Variants in FLRT2 observed in about 807,000 individuals in gnomAD.
FLRT2 encodes leucine-rich repeat transmembrane protein FLRT2.
Under a neutral mutation model 40.0 loss-of-function variants are expected in FLRT2, and 15 were observed. The ratio of observed to expected loss-of-function variants is 0.38; its 90% CI spans 0.25 to 0.58. The LOEUF (loss-of-function observed/expected upper bound fraction) is 0.58. FLRT2 is among the 20% of genes least tolerant of loss of function. The pLI, the probability that FLRT2 is intolerant of heterozygous loss-of-function variation, is 0.71. For missense variants in FLRT2, 726 were observed against 840.0 expected (o/e 0.86, Z 1.68); for synonymous variants, 380 against 336.8 (o/e 1.13, Z -1.41).
intron 1 of FLRT2, among the ~76,000 whole-genome samples, chr14:85,594,865 C>T (rs562441052): frequency 6.6e-6 from 1 of 151,814 alleles, no homozygotes; most frequent in East Asian, 1.9e-4. Context: ...ATAACACAGT[C>T]GATTAACACA....
intron 1 of FLRT2, chr14:85,551,809 A>G (rs550844883): frequency 6.6e-6 from 1 of 152,300 alleles, no homozygotes; most frequent in South Asian, 2.1e-4. Flanking sequence ...AATCTTTTCC[A>G]TGTTTGTAAC....
rs869148428 is a variant in FLRT2, at chr14:85,639,851, C to CTTTTTTTT, written c.*16362_*16369dup. The CTTTTTTTT allele has an allele frequency of 2.9e-4, 35 of 119,244 alleles. No individual in the cohort carries two copies. The highest frequency in any genetic ancestry group is 9.5e-4 in the African/African-American group (28 of 29,552). The allele number at this position is 119,244 out of a possible 1,614,324, so 7.4% of individuals were successfully genotyped here. On this transcript the variant is annotated 3_prime_UTR_variant, in exon 2 of 2. Coordinates refer to ENST00000330753, the MANE Select transcript of FLRT2 (RefSeq NM_013231.6). Reference sequence around the variant, plus strand: ...GAAATTCTTTATTTTTTTTTTTTTCCTTTTTTTTTTTTTTTGAGACAGTGT... The same window carrying CTTTTTTTT: ...GAAATTCTTTATTTTTTTTTTTTTCCTTTTTTTTTTTTTTTTTTTTTTTGAGACAGTGT...
intron 1 of FLRT2, among the ~76,000 whole-genome samples, chr14:85,557,251 T>A (rs1890025816): frequency 8.0e-6 from 1 of 125,580 alleles, no homozygotes; most frequent in African/African-American, 3.1e-5. Flanking sequence ...TAATTTCCAG[T>A]GTTTTTTTTT....
intron 1 of FLRT2, among the ~76,000 whole-genome samples, chr14:85,543,004 T>G (rs1278595641): frequency 6.6e-6 from 1 of 152,198 alleles, no homozygotes; most frequent in African/African-American, 2.4e-5. Flanking sequence ...AAGGAGCTGG[T>G]TAGAAATACA....
Position 85,622,417 on chromosome 14 carries a change from C to G in FLRT2, c.903C>G (p.Asn301Lys), listed in dbSNP as rs1160333126. Reference protein sequence around the residue: ...LTQGVFDNLSNLKQLTARNNP... With the variant: ...LTQGVFDNLSKLKQLTARNNP... ...AAGGGGTTTTTGATAATCTCTCCAA[C>G]CTGAAGCAGCTCACTGCTCGGAATA... is the stretch of plus-strand genomic sequence containing the variant. The change falls in exon 2 of 2, where the codon AAC becomes AAG. Residue 301 changes from asparagine (N) to lysine (K), a missense_variant. This residue lies in a region of FLRT2 where 611 missense variants were observed against 690.0 expected (regional missense o/e 0.89). Transcript: ENST00000330753. The G allele has an allele frequency of 1.9e-6, 3 of 1,614,024 alleles. No homozygotes were observed. Among genetic ancestry groups the G allele is most frequent in the Admixed American group, 3.3e-5 (2 of 59,990 alleles).
rs763373592 is a variant in FLRT2 at position 85,643,538 on chromosome 14, G to T, written c.*20041G>T. On this transcript the variant is annotated 3_prime_UTR_variant, in exon 2 of 2. Transcript: ENST00000330753. ...CTCCTGAGTAGCTGGGACTACAGGC[G>T]TGCACCACCACACCTGACTAATTTT... 6.6e-6 allele frequency: 1 copy of T among 151,920 alleles called. No homozygotes were observed. Among genetic ancestry groups the T allele is most frequent in the African/African-American group, 2.4e-5 (1 of 41,192 alleles). 9.4% of individuals were successfully genotyped at this position (151,920 alleles called of 1,614,324 possible). A position where few individuals can be genotyped will look rare whatever the true frequency, so the allele number is the denominator to read the frequency against.
intron 1 of FLRT2, among the ~76,000 whole-genome samples, chr14:85,573,955 A>G (rs1891009887): frequency 6.6e-6 from 1 of 152,230 alleles, no homozygotes; most frequent in Non-Finnish European, 1.5e-5. Context: ...CTGAGTTGCC[A>G]GATCATTTTC....
intron 1 of FLRT2, chr14:85,552,853 G>A (rs895839370): frequency 3.3e-5 from 5 of 152,096 alleles, no homozygotes; most frequent in African/African-American, 1.2e-4. Flanking sequence ...TGTAAGTAAT[G>A]ACTTTTGTTG....
intron 1 of FLRT2, among the ~76,000 whole-genome samples, chr14:85,543,187 G>T (rs1480539223): frequency 2.0e-5 from 3 of 152,138 alleles, no homozygotes; most frequent in Admixed American, 6.6e-5. Context: ...GATGTGTTAA[G>T]TCTGTGATGA....
intron 1 of FLRT2, among the ~76,000 whole-genome samples, 190 bp downstream of exon 1, chr14:85,530,724 T>G (rs1360295623): frequency 6.6e-6 from 1 of 152,068 alleles, no homozygotes; most frequent in Non-Finnish European, 1.5e-5. Flanking sequence ...CTCTCGACTT[T>G]GGGGACATCT....
At chr14:85,610,234 A>T (rs980147522) in intron 1 of FLRT2, among the ~76,000 whole-genome samples, 1 of 152,278 alleles carries the variant, frequency 6.6e-6, no homozygotes, top group East Asian at 1.9e-4. Flanking sequence ...TGGAAAAAAA[A>T]AAGTGTGGGG....
chr14:85,539,960 G>A (rs1594988727), intron 1 of FLRT2, among the ~76,000 whole-genome samples: 1 of 152,054 alleles, frequency 6.6e-6, no homozygotes, highest in African/African-American at 2.4e-5. Context: ...CTGAGTTTGC[G>A]CTATTTTGAT....
At chr14:85,555,734 T>TTA in intron 1 of FLRT2, among the ~76,000 whole-genome samples, 3 of 148,234 alleles carry the variant, frequency 2.0e-5, no homozygotes, top group Non-Finnish European at 1.5e-5. Flanking sequence ...TTATTTTATT[T>TTA]TTTTAGAGAT....
chr14:85,595,603 GAAGA>G (rs1892102436), intron 1 of FLRT2, among the ~76,000 whole-genome samples: 1 of 152,116 alleles, frequency 6.6e-6, no homozygotes, highest in Admixed American at 6.6e-5. Flanking sequence ...CAAAAATGTG[GAAGA>G]AAGAACCCTT....
At chr14:85,605,314 C>G (rs565921429) in intron 1 of FLRT2, among the ~76,000 whole-genome samples, 6 of 152,134 alleles carry the variant, frequency 3.9e-5, no homozygotes, top group Non-Finnish European at 8.8e-5. Context: ...GTGCTCAACA[C>G]TTTTGCTTGA....
rs1281693358 is a variant in FLRT2, at chr14:85,642,458, C to T, written c.*18961C>T. The T allele has an allele frequency of 6.6e-6, 1 of 152,256 alleles. No homozygotes were observed. Among genetic ancestry groups the T allele is most frequent in the South Asian group, 2.1e-4 (1 of 4,824 alleles). The allele number at this position is 152,256 out of a possible 1,614,324, so 9.4% of individuals were successfully genotyped here. ...CTAATGTAAAATAGCTTGTTCTGATCACCTCACTGCCTCCAAGTCTAGAGT... is the reference window on the plus strand; with the variant it reads ...CTAATGTAAAATAGCTTGTTCTGATTACCTCACTGCCTCCAAGTCTAGAGT... On this transcript the variant is annotated 3_prime_UTR_variant, in exon 2 of 2. Transcript: ENST00000330753.
chr14:85,536,988 C>CATAA, intron 1 of FLRT2, among the ~76,000 whole-genome samples: 1 of 152,282 alleles, frequency 6.6e-6, no homozygotes. Flanking sequence ...TAAGTGCTTA[C>CATAA]ATAACAAGGG....
intron 1 of FLRT2, among the ~76,000 whole-genome samples, chr14:85,536,563 CTT>C (rs1247359960): frequency 1.3e-5 from 2 of 151,410 alleles, no homozygotes; most frequent in African/African-American, 2.4e-5. Flanking sequence ...ACTTTAATAA[CTT>C]TGTGATTTCT....
Position 85,652,478 on chromosome 14 carries a change from T to C in FLRT2, c.*28981T>C, listed in dbSNP as rs1449808465. ...TTTGTTGCCATAGGAAAATTCTTTT[T>C]TGAGAATTTTTTTCTTATAACGTTC... On this transcript the variant is annotated 3_prime_UTR_variant, in exon 2 of 2. Transcript: ENST00000330753. 2.6e-5 allele frequency: 4 copies of C among 152,100 alleles called. No homozygotes were observed. The East Asian group carries it at 7.7e-4, about 29-fold the overall frequency. The allele number at this position is 152,100 out of a possible 1,614,324, so 9.4% of individuals were successfully genotyped here. A position where few individuals can be genotyped will look rare whatever the true frequency, so the allele number is the denominator to read the frequency against.
Sources: gnomAD v4.1 joint callset for allele counts (sites outside exome capture counted in the v4.1 genomes callset) on GRCh38, gnomAD v4.1.1 for gene constraint, gnomAD v4.1.1 regional missense constraint, MANE v1.5 for transcripts, NCBI Gene and HGNC (gene_info 2026-07-23, HGNC 2026-07-21) for gene names.